Variants in RBM20 observed in about 807,000 individuals in gnomAD.
RBM20 encodes the protein RNA binding motif protein 20.
RBM20 carries 51 observed loss-of-function variants against 110.1 expected under a neutral mutation model. That is an observed-to-expected ratio of 0.46 (90% CI 0.37 to 0.59). RBM20 has a LOEUF of 0.59. Among genes scored for constraint, RBM20 ranks in the 20% least tolerant of loss-of-function variants. The probability of loss-of-function intolerance (pLI) is 0.00; values close to 1 mark genes in which losing one functional copy is unlikely to be tolerated. For missense variants in RBM20, 1,512 were observed against 1,574.9 expected, an observed-to-expected ratio of 0.96 and a Z score of 0.68; for synonymous variants, 589 against 618.2, an observed-to-expected ratio of 0.95 and a Z score of 0.70.
In RBM20 at chr10:110,835,957, C is replaced by T. The variant is rs1166760240; in HGVS notation, c.3663C>T (p.Arg1221=). ...CAGAGGACAGCGGAATCGTGCCACG[C>T]TTCGAAAGGAAAAAGCTCTGATGCT... ...PRPEDSGIVP[R]FERKKL The change falls in exon 14 of 14, where the codon CGC becomes CGT. Residue 1221 remains arginine (R), a synonymous_variant. Coordinates refer to ENST00000369519, the MANE Select transcript of RBM20 (RefSeq NM_001134363.3). The T allele has an allele frequency of 3.8e-6, 5 of 1,309,482 alleles. No individual in the cohort carries two copies. Among genetic ancestry groups the T allele is most frequent in the Non-Finnish European group, 5.4e-6 (5 of 932,326 alleles). 81.1% of individuals were successfully genotyped at this position (1,309,482 alleles called of 1,614,324 possible).
At chr10:110,755,554 T>C (rs149962935) in intron 1 of RBM20, among the ~76,000 whole-genome samples, 1 of 152,358 alleles carries the variant, frequency 6.6e-6, no homozygotes, top group East Asian at 1.9e-4. Flanking sequence ...TTAATATTTA[T>C]TTACAATTTA....
At chr10:110,690,931 T>C (rs1187229455) in intron 1 of RBM20, among the ~76,000 whole-genome samples, 1 of 152,204 alleles carries the variant, frequency 6.6e-6, no homozygotes, top group African/African-American at 2.4e-5. Flanking sequence ...GGCATATACC[T>C]AGGAACAGAA....
intron 1 of RBM20, among the ~76,000 whole-genome samples, chr10:110,760,423 A>ATT (rs1400720868): frequency 1.1e-4 from 9 of 83,356 alleles, no homozygotes; most frequent in African/African-American, 2.9e-4. Flanking sequence ...GAATTCCATC[A>ATT]TCTTTTTTTT....
intron 1 of RBM20, among the ~76,000 whole-genome samples, chr10:110,767,681 A>C (rs1279678290): frequency 7.0e-6 from 1 of 143,452 alleles, no homozygotes; most frequent in Non-Finnish European, 1.5e-5. Context: ...CGCTCCTCAC[A>C]TCCCAGACGG....
chr10:110,719,690 A>G (rs1208045396), intron 1 of RBM20, among the ~76,000 whole-genome samples: 1 of 152,052 alleles, frequency 6.6e-6, no homozygotes, highest in Non-Finnish European at 1.5e-5. Flanking sequence ...CCCATCCCAG[A>G]TTACAAAGAG....
chr10:110,791,202 A>G (rs770993670), intron 5 of RBM20, among the ~76,000 whole-genome samples: 4 of 152,266 alleles, frequency 2.6e-5, no homozygotes, highest in Non-Finnish European at 4.4e-5. Flanking sequence ...TGCTCTCTGC[A>G]TAACAGGTTA....
chr10:110,781,487 C>T lies in RBM20; in HGVS notation c.878C>T (p.Ala293Val). ...YGPNSQGSHV[A>V]SGFPAEQAGG... ...CCCAACTCCCAAGGTTCACATGTGG[C>T]CAGCGGATTTCCAGCTGAGCAGGCT... The change falls in exon 2 of 14, where the codon GCC becomes GTC. Residue 293 changes from alanine to valine, a missense_variant. Ala to Val is a moderately conservative substitution (Grantham distance 64). Coordinates refer to ENST00000369519, the MANE Select transcript of RBM20 (RefSeq NM_001134363.3). The T allele has an allele frequency of 1.3e-6, 2 of 1,551,578 alleles. No individual in the cohort carries two copies. The highest frequency in any genetic ancestry group is 1.7e-6 in the Non-Finnish European group (2 of 1,147,006).
chr10:110,688,834 T>G (rs1380160204), intron 1 of RBM20, among the ~76,000 whole-genome samples: 1 of 152,198 alleles, frequency 6.6e-6, no homozygotes, highest in East Asian at 1.9e-4. Context: ...AATGTCCTTT[T>G]TCTGTTTCAT....
chr10:110,680,631 T>C (rs11195262), intron 1 of RBM20, among the ~76,000 whole-genome samples: 103,208 of 152,172 alleles, frequency 0.68, 37,293 homozygotes, highest in Non-Finnish European at 0.8. Context: ...GCGTGGGCTG[T>C]GGTGCGCTGT....
chr10:110,726,933 G>A (rs533299787), intron 1 of RBM20, among the ~76,000 whole-genome samples: 11 of 152,154 alleles, frequency 7.2e-5, no homozygotes, highest in South Asian at 6.2e-4. Context: ...TGCAACCTCC[G>A]GCTCATGGGT....
At chr10:110,659,834 ACTT>A (rs1181528949) in intron 1 of RBM20, among the ~76,000 whole-genome samples, 38 of 91,434 alleles carry the variant, frequency 4.2e-4, no homozygotes, top group African/African-American at 1.3e-3. Context: ...TTCCTCTTCC[ACTT>A]CTTCTTCTTC....
chr10:110,742,874 C>T (rs1303118338), intron 1 of RBM20, among the ~76,000 whole-genome samples: 7 of 152,208 alleles, frequency 4.6e-5, no homozygotes, highest in Non-Finnish European at 1.0e-4. Context: ...GATTCATCTG[C>T]ATCTTCTTCA....
intron 1 of RBM20, among the ~76,000 whole-genome samples, chr10:110,668,106 G>A (rs980517664): frequency 2.0e-4 from 30 of 152,112 alleles, no homozygotes; most frequent in African/African-American, 5.3e-4. Flanking sequence ...GTGAAGTCAG[G>A]CCCTTCTTGC....
chr10:110,831,038 G>A lies in RBM20; in HGVS notation c.3452-23G>A, dbSNP rs754148208. 55 of 1,545,386 alleles carry A rather than the reference G, an allele frequency of 3.6e-5. No individual in the cohort carries two copies. In the East Asian group the frequency reaches 3.9e-4, roughly 11 times the overall value. ...CTCCCATGCCATCCTAACCCTGCGT[G>A]TCTATCCCCCATCCTTTCCCAGGGG... On this transcript the variant is annotated intron_variant, in intron 12 of 13. Transcript: ENST00000369519.
chr10:110,776,006 C>T (rs1378827911), intron 1 of RBM20, among the ~76,000 whole-genome samples: 2 of 152,150 alleles, frequency 1.3e-5, no homozygotes, highest in Non-Finnish European at 2.9e-5. Context: ...ATTTAGCAAC[C>T]ATGGCATGAC....
intron 1 of RBM20, among the ~76,000 whole-genome samples, chr10:110,737,723 T>C (rs1843687050): frequency 6.6e-6 from 1 of 152,246 alleles, no homozygotes; most frequent in Non-Finnish European, 1.5e-5. Context: ...TCATCCATGT[T>C]GTAGCAAATA....
At chr10:110,648,129 CA>C (rs1175370347) in intron 1 of RBM20, among the ~76,000 whole-genome samples, 1 of 152,074 alleles carries the variant, frequency 6.6e-6, no homozygotes, top group African/African-American at 2.4e-5. Context: ...TAATTATAAA[CA>C]ATAGAAAAAG....
At chr10:110,700,432 G>A (rs931233546) in intron 1 of RBM20, among the ~76,000 whole-genome samples, 3 of 152,204 alleles carry the variant, frequency 2.0e-5, no homozygotes, top group African/African-American at 4.8e-5. Flanking sequence ...CAGAGGAGCT[G>A]TACCAATTAA....
At chr10:110,664,516 A>T in intron 1 of RBM20, among the ~76,000 whole-genome samples, 1 of 152,080 alleles carries the variant, frequency 6.6e-6, no homozygotes, top group East Asian at 1.9e-4. Flanking sequence ...GGAGGCTGAG[A>T]GGGAGGAATC....
Sources: gnomAD v4.1 joint callset for allele counts (sites outside exome capture counted in the v4.1 genomes callset) on GRCh38, gnomAD v4.1.1 for gene constraint, MANE v1.5 for transcripts, NCBI Gene and HGNC (gene_info 2026-07-23, HGNC 2026-07-21) for gene names.